Variants in ZFP3 observed in about 807,000 individuals in gnomAD.
The protein encoded by ZFP3 is ZFP3 zinc finger protein.
A neutral mutation model predicts 36.7 loss-of-function variants in ZFP3; 18 were observed. The observed-to-expected ratio is 0.49, with a 90% CI of 0.34 to 0.73. The LOEUF is 0.73. Ranked by LOEUF, ZFP3 falls within the 30% of genes least tolerant of loss-of-function variation. ZFP3 has a pLI of 0.01. For synonymous variants in ZFP3, 218 were observed against 199.0 expected, an observed-to-expected ratio of 1.10 and a Z score of -0.81; for missense variants, 495 against 599.0, an observed-to-expected ratio of 0.83 and a Z score of 1.81.
rs1460146775 is a variant in ZFP3, at chr17:5,093,263, G to A, written c.*250G>A. On this transcript the variant is annotated 3_prime_UTR_variant, in exon 2 of 2. Coordinates refer to ENST00000318833, the MANE Select transcript of ZFP3 (RefSeq NM_153018.3). ...CACAGTCGTAACTCACTGCTTCCTT[G>A]AACTCCTGGGCTCAAACAGTCCTCC... is the stretch of plus-strand genomic sequence containing the variant. 2.5e-6 allele frequency: 1 copy of A among 400,626 alleles called. No individual in the cohort carries two copies. The highest frequency in any genetic ancestry group is 4.1e-5 in the East Asian group (1 of 24,256). The allele number at this position is 400,626 out of a possible 1,614,324, so 24.8% of individuals were successfully genotyped here.
At position 5,092,824 on chromosome 17, in the gene ZFP3, G is replaced by A; in HGVS notation, c.1320G>A (p.Gln440=). ...FWDNSELLLH[Q]KIHIGEKPYE... ...ATAATTCTGAGCTGCTTCTCCACCA[G>A]AAAATTCATATTGGAGAGAAACCTT... Residue 440 remains glutamine, a synonymous_variant, in exon 2 of 2, where the codon CAG becomes CAA. Transcript: ENST00000318833. The surrounding 1 kb of genome is among the most constrained non-coding windows in gnomAD (Gnocchi z 5.0). 1 of 1,614,124 alleles carries A rather than the reference G, an allele frequency of 6.2e-7. No homozygotes were observed. Among genetic ancestry groups the A allele is most frequent in the Non-Finnish European group, 8.5e-7 (1 of 1,180,016 alleles).
Position 5,094,653 on chromosome 17 carries a change from ATCTT to A in ZFP3, c.*1642_*1645del, listed in dbSNP as rs1022994502. On this transcript the variant is annotated 3_prime_UTR_variant, in exon 2 of 2. Coordinates refer to ENST00000318833, the MANE Select transcript of ZFP3 (RefSeq NM_153018.3). ...ATTCTTTAAAAATTTAACTTTATAT[ATCTT>A]TATTATTCTTTAACCTCATCTTTGT... 3.6e-5 allele frequency: 6 copies of A among 167,052 alleles called. No individual in the cohort carries two copies. Among genetic ancestry groups the A allele is most frequent in the African/African-American group, 1.2e-4 (5 of 41,424 alleles). The allele number at this position is 167,052 out of a possible 1,614,324, so 10.3% of individuals were successfully genotyped here. A position where few individuals can be genotyped will look rare whatever the true frequency, so the allele number is the denominator to read the frequency against.
intron 1 of ZFP3, among the ~76,000 whole-genome samples, chr17:5,089,669 C>T (rs1198152837): frequency 6.6e-6 from 1 of 152,042 alleles, no homozygotes; most frequent in Admixed American, 6.6e-5. Context: ...CACCCCTGCC[C>T]AAGAAACAAG....
chr17:5,082,159 A>G (rs1468257772), intron 1 of ZFP3, among the ~76,000 whole-genome samples: 1 of 151,614 alleles, frequency 6.6e-6, no homozygotes, highest in African/African-American at 2.4e-5. Flanking sequence ...CATCCTGGCT[A>G]ACAGGGTGGA....
chr17:5,085,311 T>C (rs550788674), intron 1 of ZFP3, among the ~76,000 whole-genome samples: 79 of 152,082 alleles, frequency 5.2e-4, no homozygotes, highest in Non-Finnish European at 9.1e-4. Context: ...CCTCTCAAAG[T>C]GCTGGGATTA....
rs1567750763 is a variant in ZFP3 at position 5,093,651 on chromosome 17, G to GT, written c.*640dup. ...TAGCATTGGAATAATTTAGTAAGCT[G>GT]TTATTAGCTTCAAAGTCGTCCAGCC... On this transcript the variant is annotated 3_prime_UTR_variant, in exon 2 of 2. Coordinates refer to ENST00000318833, the MANE Select transcript of ZFP3 (RefSeq NM_153018.3). 1 of 167,068 alleles carries GT rather than the reference G, an allele frequency of 6.0e-6. No homozygotes were observed. Among genetic ancestry groups the GT allele is most frequent in the Non-Finnish European group, 1.5e-5 (1 of 68,130 alleles). The allele number at this position is 167,068 out of a possible 1,614,324, so 10.3% of individuals were successfully genotyped here. A position where few individuals can be genotyped will look rare whatever the true frequency, so the allele number is the denominator to read the frequency against.
At chr17:5,085,455 G>A (rs949266807) in intron 1 of ZFP3, among the ~76,000 whole-genome samples, 6 of 151,416 alleles carry the variant, frequency 4.0e-5, no homozygotes, top group Admixed American at 6.6e-5. Flanking sequence ...TGCAAGCCCC[G>A]CCTCCTGGGT....
chr17:5,080,815 C>T (rs1343680548), intron 1 of ZFP3, among the ~76,000 whole-genome samples: 2 of 152,270 alleles, frequency 1.3e-5, no homozygotes, highest in South Asian at 2.1e-4. Flanking sequence ...CTCAGTCTTC[C>T]ACCACACATC....
chr17:5,080,749 G>A (rs909825275), intron 1 of ZFP3, among the ~76,000 whole-genome samples: 2 of 151,526 alleles, frequency 1.3e-5, no homozygotes, highest in African/African-American at 4.9e-5. Flanking sequence ...ATTTCCATCC[G>A]TATCTCACTT....
intron 1 of ZFP3, among the ~76,000 whole-genome samples, chr17:5,086,664 C>T (rs1054960943): frequency 6.6e-6 from 1 of 151,802 alleles, no homozygotes; most frequent in Non-Finnish European, 1.5e-5. Context: ...CTGTCATTCC[C>T]CTGAATCTGT....
intron 1 of ZFP3, among the ~76,000 whole-genome samples, chr17:5,087,417 G>C (rs1214822536): frequency 6.6e-6 from 1 of 152,130 alleles, no homozygotes; most frequent in Non-Finnish European, 1.5e-5. Flanking sequence ...CAATGCCTAA[G>C]TGACTTCTGT....
At chr17:5,089,083 T>G (rs927042444) in intron 1 of ZFP3, among the ~76,000 whole-genome samples, 1 of 152,214 alleles carries the variant, frequency 6.6e-6, no homozygotes, top group Non-Finnish European at 1.5e-5. Flanking sequence ...CCCTTGTCTG[T>G]GGTGGGGACA....
chr17:5,094,555 A>G lies in ZFP3; in HGVS notation c.*1542A>G, dbSNP rs530852920. ...AAGGCACTTCACCTGCTGGTCTCCAATTTTCTCCTCTGTAAAATGAAAGAG... is the reference window on the plus strand; with the variant it reads ...AAGGCACTTCACCTGCTGGTCTCCAGTTTTCTCCTCTGTAAAATGAAAGAG... On this transcript the variant is annotated 3_prime_UTR_variant, in exon 2 of 2. Transcript: ENST00000318833. 2 of 167,220 alleles carry G rather than the reference A, an allele frequency of 1.2e-5. No homozygotes were observed. The highest frequency in any genetic ancestry group is 2.4e-5 in the African/African-American group (1 of 41,578). The allele number at this position is 167,220 out of a possible 1,614,324, so 10.4% of individuals were successfully genotyped here.
intron 1 of ZFP3, among the ~76,000 whole-genome samples, chr17:5,088,343 C>T (rs1302127035): frequency 6.6e-6 from 1 of 152,164 alleles, no homozygotes; most frequent in Non-Finnish European, 1.5e-5. Context: ...CAGAATTTGA[C>T]CTCTTCCGTA....
intron 1 of ZFP3, among the ~76,000 whole-genome samples, chr17:5,083,231 A>T (rs1486842368): frequency 6.6e-6 from 1 of 152,154 alleles, no homozygotes; most frequent in Non-Finnish European, 1.5e-5. Flanking sequence ...AAAGATGGAT[A>T]CACCACATTA....
chr17:5,085,661 C>A (rs2072117327), intron 1 of ZFP3, among the ~76,000 whole-genome samples: 1 of 152,182 alleles, frequency 6.6e-6, no homozygotes, highest in African/African-American at 2.4e-5. Flanking sequence ...AGCCACCACA[C>A]CCGGCCCTGA....
intron 1 of ZFP3, among the ~76,000 whole-genome samples, chr17:5,084,695 A>G (rs1009259640): frequency 2.0e-5 from 3 of 152,184 alleles, no homozygotes; most frequent in Non-Finnish European, 4.4e-5. Context: ...TGTCATGCCC[A>G]AACTGAGGAC....
intron 1 of ZFP3, among the ~76,000 whole-genome samples, chr17:5,089,692 A>G (rs2072139815): frequency 3.3e-5 from 5 of 150,414 alleles, no homozygotes; most frequent in South Asian, 4.2e-4. Flanking sequence ...GTCTTGCTCT[A>G]TTACCCAGGC....
Position 5,087,933 on chromosome 17 carries a change from A to G in ZFP3, c.-8-3564A>G, listed in dbSNP as rs1294852451. On this transcript the variant is annotated intron_variant, in intron 1 of 1. Transcript: ENST00000318833. ...TCTGGGGCAAAGAGGGACAGGGAGAAAGGTGGAAAGAAGATCTAGAGGGAA... is the reference window on the plus strand; with the variant it reads ...TCTGGGGCAAAGAGGGACAGGGAGAGAGGTGGAAAGAAGATCTAGAGGGAA... Among the ~76,000 whole-genome samples the G allele has an allele frequency of 3.9e-5, 6 of 152,186 alleles. No individual in the cohort carries two copies. In the East Asian group the frequency reaches 1.2e-3, roughly 29 times the overall value.
Sources: gnomAD v4.1 joint callset for allele counts (sites outside exome capture counted in the v4.1 genomes callset) on GRCh38, gnomAD v4.1.1 for gene constraint, Gnocchi (gnomAD v3.1) non-coding constraint, MANE v1.5 for transcripts, NCBI Gene and HGNC (gene_info 2026-07-23, HGNC 2026-07-21) for gene names.